PAX9: variants seen among roughly 807,000 people sequenced by gnomAD.
PAX9 encodes paired box 9, also known as paired box protein Pax-9.
A neutral mutation model predicts 29.1 loss-of-function variants in PAX9; 6 were observed. The observed-to-expected ratio is 0.21, with a 90% CI of 0.11 to 0.41. The LOEUF is 0.41. Ranked by LOEUF, PAX9 falls within the 10% of genes least tolerant of loss-of-function variation. PAX9 has a pLI of 1.00. For synonymous variants in PAX9, 217 were observed against 211.7 expected, an observed-to-expected ratio of 1.03 and a Z score of -0.22; for missense variants, 443 against 479.1, an observed-to-expected ratio of 0.92 and a Z score of 0.70.
rs1390634538 is a variant in PAX9 at position 36,663,302 on chromosome 14, A to C, written c.410A>C (p.Gln137Pro). 6.2e-7 allele frequency: 1 copy of C among 1,614,076 alleles called. No homozygotes were observed. ...LRNKIGNLAQ[Q>P]GHYDSYKQHQ... Reference sequence around the variant, plus strand: ...AACAAGATCGGCAACTTGGCCCAGCAGGGTCATTACGACTCATACAAGCAG... The same window carrying C: ...AACAAGATCGGCAACTTGGCCCAGCCGGGTCATTACGACTCATACAAGCAG... The change falls in exon 2 of 4, where the codon CAG becomes CCG. Residue 137 changes from glutamine (Q) to proline (P), a missense_variant. This residue lies in a region of PAX9 where 336 missense variants were observed against 317.2 expected (regional missense o/e 1.06). Transcript: ENST00000361487.
chr14:36,665,593 C>T (rs972814745), intron 2 of PAX9, among the ~76,000 whole-genome samples: 1 of 151,924 alleles, frequency 6.6e-6, no homozygotes, highest in African/African-American at 2.4e-5. Context: ...TACTTTACAC[C>T]ATACAATTTT....
In PAX9 at chr14:36,678,834, A is replaced by G. The variant is rs1393759115; in HGVS notation, c.*2382A>G. ...CTCTAGGTCTTAACAGTGAATTCACATGGAGTAATTTTTAAAAGATATCAG... is the reference window on the plus strand; with the variant it reads ...CTCTAGGTCTTAACAGTGAATTCACGTGGAGTAATTTTTAAAAGATATCAG... On this transcript the variant is annotated 3_prime_UTR_variant, in exon 4 of 4. Transcript: ENST00000361487. 1 of 986,298 alleles carries G rather than the reference A, an allele frequency of 1.0e-6. No individual in the cohort carries two copies. Among genetic ancestry groups the G allele is most frequent in the Admixed American group, 5.8e-5 (1 of 17,378 alleles). 61.1% of individuals were successfully genotyped at this position (986,298 alleles called of 1,614,324 possible). A position where few individuals can be genotyped will look rare whatever the true frequency, so the allele number is the denominator to read the frequency against.
chr14:36,661,090 T>C (rs1881241622), upstream of PAX9, among the ~76,000 whole-genome samples: 1 of 152,244 alleles, frequency 6.6e-6, no homozygotes, highest in South Asian at 2.1e-4. Context: ...AGCCTTGGGC[T>C]CCGTAGTGAG....
Position 36,662,925 on chromosome 14 carries a change from G to T in PAX9, c.33G>T (p.Leu11=). 6.2e-7 allele frequency: 1 copy of T among 1,612,808 alleles called. No homozygotes were observed. The highest frequency in any genetic ancestry group is 1.1e-5 in the South Asian group (1 of 91,070). The change falls in exon 2 of 4, where the codon CTG becomes CTT. Residue 11 remains leucine (L), a synonymous_variant. Coordinates refer to ENST00000361487, the MANE Select transcript of PAX9 (RefSeq NM_001372076.1). ...CAGCCTTCGGGGAGGTGAACCAGCT[G>T]GGAGGAGTGTTCGTGAACGGGAGGC... MEPAFGEVNQ[L]GGVFVNGRPL... is the part of the protein sequence containing the mutation.
chr14:36,672,343 C>A (rs559178911), intron 3 of PAX9, among the ~76,000 whole-genome samples: 30 of 152,318 alleles, frequency 2.0e-4, no homozygotes, highest in African/African-American at 7.0e-4. Context: ...ATGCCCTTCA[C>A]TGAAAACATT....
In PAX9 at chr14:36,676,245, C is replaced by T; in HGVS notation, c.819C>T (p.Ser273=). 4 of 1,614,192 alleles carry T rather than the reference C, an allele frequency of 2.5e-6. No homozygotes were observed. The highest frequency in any genetic ancestry group is 3.4e-6 in the Non-Finnish European group (4 of 1,180,022). ...PAVGSFVSAS[S]MAPYPTPAQV... ...TGGGCAGTTTTGTGTCAGCATCCAG[C>T]ATGGCTCCTTACCCTACCCCAGCCC... The change falls in exon 4 of 4, where the codon AGC becomes AGT. Residue 273 remains serine (S), a synonymous_variant. Coordinates refer to ENST00000361487, the MANE Select transcript of PAX9 (RefSeq NM_001372076.1).
Position 36,663,492 on chromosome 14 carries a change from C to T in PAX9, c.600C>T (p.Asp200=), listed in dbSNP as rs755698555. 2.3e-5 allele frequency: 37 copies of T among 1,612,850 alleles called. No individual in the cohort carries two copies. The highest frequency in any genetic ancestry group is 8.9e-5 in the East Asian group (4 of 44,856). The change falls in exon 2 of 4, where the codon GAC becomes GAT. Residue 200 remains aspartate (D), a synonymous_variant. Transcript: ENST00000361487. ...RTWPSSHSVT[D]ILGIRSITDQ... ...GGCCCTCCTCGCACTCCGTCACCGA[C>T]ATCCTGGGCATCCGCTCCATCACCG...
rs1881302742 is a variant in PAX9 at position 36,662,223 on chromosome 14, C to T, written c.4+130C>T. The T allele has an allele frequency of 2.1e-5, 22 of 1,073,110 alleles. No individual in the cohort carries two copies. In the East Asian group the frequency reaches 2.1e-4, roughly 10 times the overall value. 66.5% of individuals were successfully genotyped at this position (1,073,110 alleles called of 1,614,324 possible). ...GCTCACATTCTCTATTGACTTTGCT[C>T]GTGTTCCTACAAGTTGTAGGAACAC... On this transcript the variant is annotated intron_variant, in intron 1 of 3. Transcript: ENST00000361487.
chr14:36,662,058 A>C lies in PAX9; in HGVS notation c.-32A>C. Reference sequence around the variant, plus strand: ...GAAAGTTTCTGTCTGGGAGTGCGGAACTGGGGCCGGGTTGGTGTACTGCTC... The same window carrying C: ...GAAAGTTTCTGTCTGGGAGTGCGGACCTGGGGCCGGGTTGGTGTACTGCTC... On this transcript the variant is annotated 5_prime_UTR_variant, in exon 1 of 4. Transcript: ENST00000361487. The C allele has an allele frequency of 6.5e-7, 1 of 1,542,936 alleles. No individual in the cohort carries two copies. The highest frequency in any genetic ancestry group is 8.8e-7 in the Non-Finnish European group (1 of 1,142,834).
intron 1 of PAX9, 65 bp downstream of exon 1, chr14:36,662,158 G>T: frequency 1.6e-6 from 2 of 1,263,714 alleles, no homozygotes; most frequent in Non-Finnish European, 2.1e-6. Context: ...GGGCAAGGGA[G>T]GGAGGGAGGG....
chr14:36,675,121 G>A lies in PAX9; in HGVS notation c.772-1077G>A, dbSNP rs575134580. On this transcript the variant is annotated intron_variant, in intron 3 of 3. Coordinates refer to ENST00000361487, the MANE Select transcript of PAX9 (RefSeq NM_001372076.1). Reference sequence around the variant, plus strand: ...CTCATAAAATTCTAGTATTTACATCGTATTTTCACTAGGAAATATATTGAA... The same window carrying A: ...CTCATAAAATTCTAGTATTTACATCATATTTTCACTAGGAAATATATTGAA... Among the ~76,000 whole-genome samples the A allele has an allele frequency of 8.6e-5, 13 of 152,020 alleles. No homozygotes were observed. In the South Asian group the frequency reaches 2.3e-3, roughly 27 times the overall value.
At chr14:36,675,357 C>T (rs977396216) in intron 3 of PAX9, among the ~76,000 whole-genome samples, 8 of 152,156 alleles carry the variant, frequency 5.3e-5, no homozygotes, top group Non-Finnish European at 8.8e-5. Context: ...ACTGGTTTCT[C>T]GGCAGGCTCG....
intron 1 of PAX9, chr14:36,662,475 A>T: frequency 5.1e-6 from 2 of 395,010 alleles, no homozygotes; most frequent in Non-Finnish European, 9.0e-6. Flanking sequence ...AGCTTCCCCT[A>T]GACTTTGTTT....
In PAX9 at chr14:36,676,485, G is replaced by C; in HGVS notation, c.*33G>C. 8 of 1,606,132 alleles carry C rather than the reference G, an allele frequency of 5.0e-6. No homozygotes were observed. The highest frequency in any genetic ancestry group is 6.8e-6 in the Non-Finnish European group (8 of 1,179,738). ...TTCCGTCTCCAGCAGCTTCACCCGG[G>C]TCTCCCTGTCTCAGCACCTCCTCCC... On this transcript the variant is annotated 3_prime_UTR_variant, in exon 4 of 4. Transcript: ENST00000361487.
In PAX9 at chr14:36,666,655, G is replaced by A. The variant is rs955603605; in HGVS notation, c.771+54G>A. ...GCCGCGTGGCGGCGGGGATTTAGGC[G>A]ATGGAACACTTTGTGATGGGTCCCT... On this transcript the variant is annotated intron_variant, in intron 3 of 3. Coordinates refer to ENST00000361487, the MANE Select transcript of PAX9 (RefSeq NM_001372076.1). The A allele has an allele frequency of 9.4e-5, 146 of 1,548,088 alleles. 2 individuals carry two copies. The African/African-American group carries it at 1.7e-3, about 19-fold the overall frequency.
intron 3 of PAX9, among the ~76,000 whole-genome samples, chr14:36,675,901 A>G (rs1337081353): frequency 6.6e-6 from 1 of 152,130 alleles, no homozygotes; most frequent in African/African-American, 2.4e-5. Context: ...TTCTTTTCTC[A>G]CCCTGCACCT....
At position 36,662,935 on chromosome 14, in the gene PAX9, T is replaced by A; in HGVS notation, c.43T>A (p.Phe15Ile). The stretch of plus-strand genomic sequence containing the variant: ...GGAGGTGAACCAGCTGGGAGGAGTG[T>A]TCGTGAACGGGAGGCCGCTGCCCAA... ...FGEVNQLGGV[F>I]VNGRPLPNAI... is the part of the protein sequence containing the mutation. Residue 15 changes from phenylalanine to isoleucine, a missense_variant, in exon 2 of 4, where the codon TTC (phenylalanine) becomes ATC (isoleucine). Phe to Ile is a conservative substitution (Grantham distance 21). Coordinates refer to ENST00000361487, the MANE Select transcript of PAX9 (RefSeq NM_001372076.1). The A allele has an allele frequency of 6.2e-7, 1 of 1,612,950 alleles. No individual in the cohort carries two copies. Among genetic ancestry groups the A allele is most frequent in the Non-Finnish European group, 8.5e-7 (1 of 1,179,702 alleles).
intron 3 of PAX9, among the ~76,000 whole-genome samples, chr14:36,670,360 G>A (rs528610967): frequency 6.6e-6 from 1 of 152,146 alleles, no homozygotes; most frequent in South Asian, 2.1e-4. Flanking sequence ...TCAGAATTAA[G>A]TTGTGAAAAT....
upstream of PAX9, among the ~76,000 whole-genome samples, chr14:36,660,283 C>T (rs148920703): frequency 7.9e-5 from 12 of 152,144 alleles, no homozygotes; most frequent in Non-Finnish European, 1.3e-4. Context: ...GGAGGTCAGA[C>T]CAGGCTGAAA....
Sources: gnomAD v4.1 joint callset for allele counts (sites outside exome capture counted in the v4.1 genomes callset) on GRCh38, gnomAD v4.1.1 for gene constraint, gnomAD v4.1.1 regional missense constraint, MANE v1.5 for transcripts, NCBI Gene and HGNC (gene_info 2026-07-23, HGNC 2026-07-21) for gene names.